Variants in MTUS2 observed in about 807,000 individuals in gnomAD.
The protein encoded by MTUS2 is microtubule associated scaffold protein 2.
Under a neutral mutation model 114.1 loss-of-function variants are expected in MTUS2, and 40 were observed. The observed-to-expected ratio is 0.35, with a 90% CI of 0.27 to 0.46. The LOEUF is 0.46. Among genes scored for constraint, MTUS2 ranks in the 20% least tolerant of loss-of-function variants. The probability of loss-of-function intolerance (pLI) is 1.00; values close to 1 mark genes in which losing one functional copy is unlikely to be tolerated. For synonymous variants in MTUS2, 688 were observed against 672.0 expected (o/e 1.02, Z -0.37); for missense variants, 1,679 against 1,705.4 (o/e 0.98, Z 0.27).
Position 29,359,328 on chromosome 13 carries a change from G to C in MTUS2, c.2972G>C (p.Arg991Pro). The change falls in exon 8 of 16, where the codon CGT becomes CCT. Residue 991 changes from arginine (R) to proline (P), a missense_variant. By Grantham distance (103) the Arg-to-Pro change is moderately radical. Around this residue, in one of 3 missense-constraint regions of MTUS2, gnomAD observed 822 missense variants for 899.7 expected, o/e 0.91. Coordinates refer to ENST00000612955, the MANE Select transcript of MTUS2 (RefSeq NM_001033602.4). ...CCGCCCAAGCCGGACCCGCAGGCCC[G>C]TGAGGCTGAGCGGCAGCTGGTGCTG... is the stretch of plus-strand genomic sequence containing the variant. ...GFPPKPDPQA[R>P]EAERQLVLRL... The C allele has an allele frequency of 1.2e-6, 2 of 1,611,208 alleles. No homozygotes were observed. Among genetic ancestry groups the C allele is most frequent in the Non-Finnish European group, 1.7e-6 (2 of 1,178,842 alleles).
chr13:29,254,889 T>G (rs980521602), intron 5 of MTUS2, among the ~76,000 whole-genome samples: 1 of 152,206 alleles, frequency 6.6e-6, no homozygotes, highest in Non-Finnish European at 1.5e-5. Context: ...TACACAGATA[T>G]GGACTTCTTG....
intron 2 of MTUS2, among the ~76,000 whole-genome samples, chr13:28,946,308 C>CAT (rs1882530438): frequency 6.6e-6 from 1 of 151,410 alleles, no homozygotes; most frequent in African/African-American, 2.4e-5. Context: ...TGTGTGTGCG[C>CAT]GCGCACATAC....
At chr13:28,863,977 C>T (rs1304725937) in intron 2 of MTUS2, among the ~76,000 whole-genome samples, 5 of 152,116 alleles carry the variant, frequency 3.3e-5, no homozygotes, top group Admixed American at 6.5e-5. Flanking sequence ...ATTACAGGCA[C>T]GAGTCACTGC....
chr13:28,914,001 CT>C (rs1376151004), intron 2 of MTUS2, among the ~76,000 whole-genome samples: 1 of 151,906 alleles, frequency 6.6e-6, no homozygotes, highest in Non-Finnish European at 1.5e-5. Context: ...ATTCTTCTCT[CT>C]TTTCTATTAG....
chr13:29,090,628 A>G (rs2138774871), intron 4 of MTUS2, among the ~76,000 whole-genome samples: 1 of 152,366 alleles, frequency 6.6e-6, no homozygotes, highest in Admixed American at 6.5e-5. Flanking sequence ...TCAGCAGGGC[A>G]TTTAAGGCTG....
At chr13:29,438,967 C>T (rs1352437965) in intron 8 of MTUS2, among the ~76,000 whole-genome samples, 2 of 152,254 alleles carry the variant, frequency 1.3e-5, no homozygotes, top group East Asian at 3.9e-4. Context: ...TCACATTCCA[C>T]ACACGTCCTT....
intron 2 of MTUS2, among the ~76,000 whole-genome samples, chr13:28,900,642 G>A (rs144669945): frequency 8.0e-4 from 122 of 152,278 alleles, no homozygotes; most frequent in African/African-American, 2.7e-3. Flanking sequence ...CTGAGTAGTA[G>A]TAATGATATA....
At chr13:29,014,105 G>A (rs956650660) in intron 2 of MTUS2, among the ~76,000 whole-genome samples, 1 of 152,136 alleles carries the variant, frequency 6.6e-6, no homozygotes, top group Non-Finnish European at 1.5e-5. Flanking sequence ...GAGCCGTTGT[G>A]TTGCTTTTCT....
At chr13:29,230,100 G>T (rs953670355) in intron 5 of MTUS2, among the ~76,000 whole-genome samples, 2 of 152,060 alleles carry the variant, frequency 1.3e-5, no homozygotes, top group Non-Finnish European at 2.9e-5. Context: ...CAAAAAATTA[G>T]CCGGGCATGG....
At chr13:29,455,358 C>T (rs142922949) in intron 9 of MTUS2, among the ~76,000 whole-genome samples, 213 of 152,218 alleles carry the variant, frequency 1.4e-3, no homozygotes, top group Non-Finnish European at 2.4e-3. Context: ...CTGGGAAATA[C>T]GGGAATTCCA....
intron 4 of MTUS2, among the ~76,000 whole-genome samples, chr13:29,093,970 A>G (rs1206789926): frequency 1.3e-5 from 2 of 152,170 alleles, no homozygotes; most frequent in African/African-American, 4.8e-5. Flanking sequence ...TCAATTAAGA[A>G]GATCATATGG....
chr13:29,247,147 A>T (rs1408910462), intron 5 of MTUS2, among the ~76,000 whole-genome samples: 1 of 152,228 alleles, frequency 6.6e-6, no homozygotes, highest in Non-Finnish European at 1.5e-5. Flanking sequence ...CAAAGCAAAC[A>T]AAAACATAAA....
In MTUS2 at chr13:29,147,882, T is replaced by A. The variant is rs148726038; in HGVS notation, c.2644+46912T>A. On this transcript the variant is annotated intron_variant, in intron 5 of 15. Coordinates refer to ENST00000612955, the MANE Select transcript of MTUS2 (RefSeq NM_001033602.4). ...GATTCCATGTCTTTGCTATTGTGAA[T>A]AGTGCTGCTATGAACATATGCATAC... 1.5e-3 allele frequency among the ~76,000 whole-genome samples: 228 copies of A among 152,328 alleles called. 1 individual carries two copies. The highest frequency in any genetic ancestry group is 5.4e-3 in the African/African-American group (225 of 41,584).
At chr13:29,169,305 G>A (rs536346486) in intron 5 of MTUS2, among the ~76,000 whole-genome samples, 2 of 152,264 alleles carry the variant, frequency 1.3e-5, no homozygotes, top group East Asian at 3.9e-4. Context: ...ATAAAAAGAA[G>A]CACATTGGTA....
At position 29,070,938 on chromosome 13, in the gene MTUS2, A is replaced by G. The variant is rs182861467; in HGVS notation, c.2447-29835A>G. Among the ~76,000 whole-genome samples, 174 of 149,334 alleles carry G rather than the reference A, an allele frequency of 1.2e-3. 2 individuals are homozygous for G. Among genetic ancestry groups the G allele is most frequent in the Non-Finnish European group, 2.1e-4 (14 of 67,398 alleles). On this transcript the variant is annotated intron_variant, in intron 4 of 15. Coordinates refer to ENST00000612955, the MANE Select transcript of MTUS2 (RefSeq NM_001033602.4). ...CCTTCAGTTGAATTTTTGTTTTGGT[A>G]TTTTTAATTTCTAAGAATGCCTTCT...
intron 4 of MTUS2, among the ~76,000 whole-genome samples, chr13:29,066,488 A>G (rs1593440128): frequency 6.6e-6 from 1 of 152,202 alleles, no homozygotes; most frequent in South Asian, 2.1e-4. Context: ...CTCTGTTGCA[A>G]CTACTCACCT....
intron 5 of MTUS2, among the ~76,000 whole-genome samples, chr13:29,105,551 A>G (rs1890621700): frequency 1.3e-5 from 2 of 152,112 alleles, no homozygotes; most frequent in Non-Finnish European, 2.9e-5. Context: ...CTCTTTTCAA[A>G]TACTGCCATG....
intron 4 of MTUS2, among the ~76,000 whole-genome samples, chr13:29,045,957 T>C (rs932871175): frequency 1.3e-5 from 2 of 152,126 alleles, no homozygotes; most frequent in African/African-American, 4.8e-5. Flanking sequence ...TTTTTATATT[T>C]CTGACACATG....
intron 9 of MTUS2, among the ~76,000 whole-genome samples, chr13:29,459,063 G>C (rs1879306863): frequency 6.6e-6 from 1 of 152,068 alleles, no homozygotes; most frequent in African/African-American, 2.4e-5. Context: ...TTCCCTGTAT[G>C]ATCTAGAAGT....
Sources: gnomAD v4.1 joint callset for allele counts (sites outside exome capture counted in the v4.1 genomes callset) on GRCh38, gnomAD v4.1.1 for gene constraint, gnomAD v4.1.1 regional missense constraint, MANE v1.5 for transcripts, NCBI Gene and HGNC (gene_info 2026-07-23, HGNC 2026-07-21) for gene names.